The following SORCS2 variants were observed in gnomAD, a reference collection of about 807,000 sequenced individuals.
SORCS2 encodes the protein VPS10 domain-containing receptor SorCS2.
Under a neutral mutation model 141.6 loss-of-function variants are expected in SORCS2, and 100 were observed. The observed-to-expected ratio is 0.71, with a 90% CI of 0.60 to 0.83. SORCS2 has a LOEUF of 0.83. Among genes scored for constraint, SORCS2 ranks in the 40% least tolerant of loss-of-function variants. SORCS2 has a pLI of 0.00. For missense variants in SORCS2, 1,646 were observed against 1,560.2 expected, an observed-to-expected ratio of 1.05 and a Z score of -0.93; for synonymous variants, 789 against 676.9, an observed-to-expected ratio of 1.17 and a Z score of -2.57.
At chr4:7,561,280 A>T (rs951590998) in intron 3 of SORCS2, among the ~76,000 whole-genome samples, 1 of 152,068 alleles carries the variant, frequency 6.6e-6, no homozygotes, top group African/African-American at 2.4e-5. Flanking sequence ...TCTGAGGTCT[A>T]GGTGGGACTC....
chr4:7,378,842 A>G (rs1267410306), intron 1 of SORCS2, among the ~76,000 whole-genome samples: 3 of 152,136 alleles, frequency 2.0e-5, no homozygotes, highest in Admixed American at 6.5e-5. Flanking sequence ...GTCCAGGCCC[A>G]TTCTGTGACC....
chr4:7,303,692 T>C (rs1345384593), intron 1 of SORCS2, among the ~76,000 whole-genome samples: 3 of 152,244 alleles, frequency 2.0e-5, no homozygotes, highest in Non-Finnish European at 4.4e-5. Context: ...ACCAGCCTGC[T>C]CCCCATTTCT....
At chr4:7,439,370 C>T (rs1008317514) in intron 2 of SORCS2, among the ~76,000 whole-genome samples, 1 of 152,152 alleles carries the variant, frequency 6.6e-6, no homozygotes, top group African/African-American at 2.4e-5. Context: ...CTAGAATATA[C>T]CCAAGACATT....
At chr4:7,598,841 C>A (rs945311660) in intron 3 of SORCS2, among the ~76,000 whole-genome samples, 10 of 152,214 alleles carry the variant, frequency 6.6e-5, no homozygotes, top group East Asian at 1.9e-4. Flanking sequence ...TTCTCCCCCC[C>A]AGGCTGTGCT....
chr4:7,558,707 A>G (rs1714311383), intron 3 of SORCS2, among the ~76,000 whole-genome samples: 1 of 152,160 alleles, frequency 6.6e-6, no homozygotes, highest in African/African-American at 2.4e-5. Flanking sequence ...GTGGGTCTGC[A>G]AGTTCACCTG....
chr4:7,585,754 C>G (rs575972100), intron 3 of SORCS2, among the ~76,000 whole-genome samples: 1 of 152,306 alleles, frequency 6.6e-6, no homozygotes, highest in South Asian at 2.1e-4. Flanking sequence ...GGTACATCTC[C>G]AAGGACTGTT....
intron 18 of SORCS2, 89 bp downstream of exon 18, chr4:7,718,272 C>G: frequency 6.8e-7 from 1 of 1,469,710 alleles, no homozygotes; most frequent in South Asian, 1.2e-5. Flanking sequence ...AGGGTGTCTC[C>G]TCCACCTAGA....
chr4:7,237,051 C>G (rs545648654), intron 1 of SORCS2, among the ~76,000 whole-genome samples: 2 of 152,302 alleles, frequency 1.3e-5, no homozygotes, highest in Non-Finnish European at 2.9e-5. Flanking sequence ...TGTGCCAGCG[C>G]ACATGGTCAC....
At chr4:7,671,933 G>C (rs1029072341) in intron 8 of SORCS2, among the ~76,000 whole-genome samples, 9 of 144,280 alleles carry the variant, frequency 6.2e-5, no homozygotes, top group Non-Finnish European at 1.2e-4. Context: ...ACTGTCAAAA[G>C]ACAGAAACTT....
intron 1 of SORCS2, among the ~76,000 whole-genome samples, chr4:7,222,976 G>A (rs966664496): frequency 3.3e-5 from 5 of 152,094 alleles, no homozygotes; most frequent in Admixed American, 3.3e-4. Context: ...TGGCTGCGTC[G>A]GTGGAGGGAG....
chr4:7,407,533 A>G (rs1018895360), intron 2 of SORCS2, among the ~76,000 whole-genome samples: 5 of 151,998 alleles, frequency 3.3e-5, no homozygotes, highest in African/African-American at 9.7e-5. Flanking sequence ...TGCATGGAAT[A>G]ACTTTTTCCA....
At chr4:7,376,671 G>A (rs2878614) in intron 1 of SORCS2, among the ~76,000 whole-genome samples, 3 of 152,054 alleles carry the variant, frequency 2.0e-5, no homozygotes, top group African/African-American at 4.8e-5. Flanking sequence ...CATTTTCTGC[G>A]CATGTCTATG....
intron 1 of SORCS2, among the ~76,000 whole-genome samples, chr4:7,275,767 C>G (rs546542033): frequency 6.6e-6 from 1 of 152,248 alleles, no homozygotes; most frequent in Non-Finnish European, 1.5e-5. Flanking sequence ...AGGCAGTTCT[C>G]CAGCAAGGTG....
Position 7,719,321 on chromosome 4 carries a change from T to G in SORCS2, c.2424+1138T>G, listed in dbSNP as rs79185899. 7.6e-3 allele frequency among the ~76,000 whole-genome samples: 1,164 copies of G among 152,340 alleles called. 15 individuals are homozygous for G. The highest frequency in any genetic ancestry group is 0.02 in the East Asian group (103 of 5,186). Reference sequence around the variant, plus strand: ...GAGCAGTGCTTGCCCAGCGCCTCCGTGGCGGGCGCTGTGCACGAGCCACTG... The same window carrying G: ...GAGCAGTGCTTGCCCAGCGCCTCCGGGGCGGGCGCTGTGCACGAGCCACTG... On this transcript the variant is annotated intron_variant, in intron 18 of 26. Transcript: ENST00000507866.
intron 2 of SORCS2, among the ~76,000 whole-genome samples, chr4:7,418,875 C>T (rs1246233717): frequency 6.6e-6 from 1 of 152,166 alleles, no homozygotes; most frequent in East Asian, 1.9e-4. Flanking sequence ...CTTTCTGAGG[C>T]TTGGCTGGCC....
chr4:7,366,693 G>T (rs1016551191), intron 1 of SORCS2, among the ~76,000 whole-genome samples: 5 of 151,928 alleles, frequency 3.3e-5, no homozygotes, highest in African/African-American at 1.2e-4. Context: ...CATGTCCCCT[G>T]CCCCGGCACC....
chr4:7,407,103 T>C (rs988439665), intron 2 of SORCS2, among the ~76,000 whole-genome samples: 2 of 152,126 alleles, frequency 1.3e-5, no homozygotes, highest in Admixed American at 1.3e-4. Context: ...TGGCCTAAGA[T>C]ATGGTCTATT....
At chr4:7,360,596 T>TTTTTTTTTC (rs1721525120) in intron 1 of SORCS2, among the ~76,000 whole-genome samples, 1 of 134,880 alleles carries the variant, frequency 7.4e-6, no homozygotes, top group Non-Finnish European at 1.6e-5. Context: ...TTTTTTTTTT[T>TTTTTTTTTC]GAGACAGGGT....
intron 4 of SORCS2, among the ~76,000 whole-genome samples, chr4:7,642,015 A>G (rs1470667204): frequency 6.7e-6 from 1 of 150,068 alleles, no homozygotes; most frequent in Non-Finnish European, 1.5e-5. Flanking sequence ...GGATGGGTGG[A>G]TGGAGATGAA....
Sources: allele counts gnomAD v4.1 joint callset (sites outside exome capture counted in the v4.1 genomes callset), GRCh38; gene constraint gnomAD v4.1.1; transcripts MANE v1.5; gene names NCBI Gene and HGNC (gene_info 2026-07-23, HGNC 2026-07-21).